ZNF710: variants seen among roughly 807,000 people sequenced by gnomAD.
The protein encoded by ZNF710 is zinc finger protein 710.
Under a neutral mutation model 50.6 loss-of-function variants are expected in ZNF710, and 13 were observed. The ratio of observed to expected loss-of-function variants is 0.26; its 90% CI spans 0.17 to 0.41. The LOEUF (loss-of-function observed/expected upper bound fraction) is 0.41. Among genes scored for constraint, ZNF710 ranks in the 10% least tolerant of loss-of-function variants. The pLI is 1.00. For missense variants in ZNF710, 721 were observed against 936.6 expected, an observed-to-expected ratio of 0.77 and a Z score of 3.01; for synonymous variants, 383 against 397.0, an observed-to-expected ratio of 0.96 and a Z score of 0.42.
intron 1 of ZNF710, among the ~76,000 whole-genome samples, chr15:90,010,928 G>GGTTTTTT (rs1898282593): frequency 1.3e-5 from 1 of 79,082 alleles, no homozygotes; most frequent in African/African-American, 5.3e-5. Context: ...TTGGTTTTTT[G>GGTTTTTT]TTTTTTTTTT....
chr15:90,079,616 C>G, intron 4 of ZNF710, 44 bp from the exon 5 acceptor site: 1 of 1,598,072 alleles, frequency 6.3e-7, no homozygotes, highest in Admixed American at 1.8e-5. Context: ...ACTGGCTCCT[C>G]CCGAGAGATG....
intron 3 of ZNF710, among the ~76,000 whole-genome samples, chr15:90,073,644 C>T (rs934479402): frequency 2.6e-5 from 4 of 152,120 alleles, no homozygotes; most frequent in Admixed American, 6.5e-5. Flanking sequence ...CCCTGTCTCT[C>T]GGGTGTCTGG....
chr15:90,015,812 T>C (rs1898438588), intron 1 of ZNF710, among the ~76,000 whole-genome samples: 2 of 152,208 alleles, frequency 1.3e-5, no homozygotes, highest in South Asian at 4.1e-4. Context: ...GGTCTCACTA[T>C]ATTGCCCAGG....
At chr15:90,048,847 GC>G (rs1219858966) in intron 1 of ZNF710, among the ~76,000 whole-genome samples, 2 of 152,184 alleles carry the variant, frequency 1.3e-5, no homozygotes, top group Non-Finnish European at 2.9e-5. Flanking sequence ...GACCCTCACA[GC>G]CCCACAGGCA....
chr15:90,079,233 C>T (rs1179471635), intron 4 of ZNF710, among the ~76,000 whole-genome samples: 2 of 152,208 alleles, frequency 1.3e-5, no homozygotes, highest in Non-Finnish European at 2.9e-5. Flanking sequence ...TGAGGCGAGG[C>T]CTGCGAAGTG....
chr15:90,036,387 C>T (rs1301624079), intron 1 of ZNF710, among the ~76,000 whole-genome samples: 2 of 152,174 alleles, frequency 1.3e-5, no homozygotes, highest in Non-Finnish European at 2.9e-5. Context: ...CAGGCGAGTG[C>T]TCCTTGGGTT....
intron 1 of ZNF710, among the ~76,000 whole-genome samples, chr15:90,046,554 G>A (rs935079864): frequency 2.0e-5 from 3 of 152,130 alleles, no homozygotes; most frequent in Admixed American, 1.3e-4. Flanking sequence ...TAGTGACCAA[G>A]CCAGACACCC....
At chr15:90,003,650 T>G (rs1403141612) in intron 1 of ZNF710, among the ~76,000 whole-genome samples, 1 of 152,234 alleles carries the variant, frequency 6.6e-6, no homozygotes, top group Non-Finnish European at 1.5e-5. Flanking sequence ...CCGATGGGGC[T>G]ATCTGGTTTT....
intron 1 of ZNF710, among the ~76,000 whole-genome samples, chr15:90,047,993 C>T (rs1205953435): frequency 1.3e-5 from 2 of 152,214 alleles, no homozygotes; most frequent in African/African-American, 2.4e-5. Flanking sequence ...GCCTCAGTTT[C>T]CATATTTGTA....
At chr15:90,005,448 G>C (rs1006437334) in intron 1 of ZNF710, among the ~76,000 whole-genome samples, 1 of 151,930 alleles carries the variant, frequency 6.6e-6, no homozygotes. Context: ...GGTTTTTTTA[G>C]ATTTTTTTTT....
At chr15:90,049,604 G>T (rs886998089) in intron 1 of ZNF710, among the ~76,000 whole-genome samples, 8 of 152,198 alleles carry the variant, frequency 5.3e-5, no homozygotes, top group Non-Finnish European at 1.0e-4. Flanking sequence ...GATCCGGATT[G>T]AAGAGGAAAC....
Position 90,067,432 on chromosome 15 carries a change from A to G in ZNF710, c.295A>G (p.Thr99Ala), listed in dbSNP as rs1390800269. ...AACEKHTRRK[T>A]RPPVRLVPKV... The stretch of plus-strand genomic sequence containing the variant: ...CTGTGAGAAGCACACCCGGCGGAAG[A>G]CGCGGCCACCTGTGCGGTTGGTGCC... The change falls in exon 2 of 5, where the codon ACG becomes GCG. Residue 99 changes from threonine to alanine, a missense_variant. Coordinates refer to ENST00000268154, the MANE Select transcript of ZNF710 (RefSeq NM_198526.4). This position sits in a 1 kb window ranked among gnomAD's most constrained non-coding sequence, Gnocchi z 8.1. The G allele has an allele frequency of 3.1e-6, 5 of 1,606,824 alleles. No homozygotes were observed.
At chr15:90,038,378 TG>T (rs1899193348) in intron 1 of ZNF710, among the ~76,000 whole-genome samples, 1 of 152,236 alleles carries the variant, frequency 6.6e-6, no homozygotes, top group Admixed American at 6.5e-5. Context: ...CACTCATTGT[TG>T]CCATTTTGCC....
chr15:90,060,294 T>TG (rs1899967478), intron 1 of ZNF710, among the ~76,000 whole-genome samples: 1 of 152,238 alleles, frequency 6.6e-6, no homozygotes, highest in Non-Finnish European at 1.5e-5. Context: ...GGCTTAGGCC[T>TG]GTCATCCCAG....
At position 90,079,748 on chromosome 15, in the gene ZNF710, T is replaced by C. The variant is rs1468880580; in HGVS notation, c.1914T>C (p.Tyr638=). The change falls in exon 5 of 5, where the codon TAT becomes TAC. Residue 638 remains tyrosine (Y), a synonymous_variant. Transcript: ENST00000268154. ...ACTTCGAGGAGAACGCCTACAGCTA[T>C]GCGAGCGTGGACAGCAGCGCCGAGG... The part of the protein sequence containing the change: ...MEDFEENAYS[Y]ASVDSSAEAS... 3 of 1,613,650 alleles carry C rather than the reference T, an allele frequency of 1.9e-6. No individual in the cohort carries two copies. The highest frequency in any genetic ancestry group is 3.3e-5 in the Admixed American group (2 of 59,880).
chr15:89,999,760 G>C (rs2151450263), upstream of ZNF710, among the ~76,000 whole-genome samples: 1 of 152,154 alleles, frequency 6.6e-6, no homozygotes, highest in East Asian at 1.9e-4. Flanking sequence ...CGTGTCCCCG[G>C]GAGGCTGCAG....
At chr15:90,015,427 T>C (rs953808591) in intron 1 of ZNF710, among the ~76,000 whole-genome samples, 1 of 152,240 alleles carries the variant, frequency 6.6e-6, no homozygotes, top group African/African-American at 2.4e-5. Context: ...GCAATTTCTC[T>C]TTTGGAAATT....
intron 1 of ZNF710, among the ~76,000 whole-genome samples, chr15:90,008,439 T>TAC (rs1898201464): frequency 9.3e-5 from 13 of 140,124 alleles, no homozygotes; most frequent in African/African-American, 3.5e-4. Context: ...TATATATATA[T>TAC]ACATATATAT....
chr15:90,010,797 T>A (rs986849345), intron 1 of ZNF710, among the ~76,000 whole-genome samples: 5 of 152,146 alleles, frequency 3.3e-5, no homozygotes, highest in African/African-American at 1.2e-4. Flanking sequence ...GTCACCCAGG[T>A]GGGAGTGTAG....
Sources: allele counts gnomAD v4.1 joint callset (sites outside exome capture counted in the v4.1 genomes callset), GRCh38; gene constraint gnomAD v4.1.1; non-coding constraint Gnocchi (gnomAD v3.1); transcripts MANE v1.5; gene names NCBI Gene and HGNC (gene_info 2026-07-23, HGNC 2026-07-21).